TRMT10B: variants seen among roughly 807,000 people sequenced by gnomAD.
TRMT10B encodes tRNA methyltransferase 10 homolog B.
TRMT10B carries 33 observed loss-of-function variants against 43.8 expected under a neutral mutation model. The ratio of observed to expected loss-of-function variants is 0.75; its 90% confidence interval spans 0.57 to 1.01. The LOEUF is 1.01. Ranked by LOEUF, TRMT10B falls within the 50% of genes least tolerant of loss-of-function variation. TRMT10B has a pLI of 0.00. For synonymous variants in TRMT10B, 137 were observed against 130.6 expected (o/e 1.05, Z -0.34); for missense variants, 362 against 369.8 (o/e 0.98, Z 0.17).
intron 5 of TRMT10B, 133 bp from the exon 6 acceptor site, chr9:37,769,808 G>C: frequency 1.3e-6 from 1 of 742,918 alleles, no homozygotes; most frequent in South Asian, 1.5e-5. Flanking sequence ...TCACCATGTT[G>C]CCCAGTCTGG....
chr9:37,777,324 CT>C (rs1435926277), intron 8 of TRMT10B, among the ~76,000 whole-genome samples: 2 of 147,484 alleles, frequency 1.4e-5, no homozygotes, highest in African/African-American at 5.1e-5. Flanking sequence ...CATCTTGGCC[CT>C]TCCCCATCCC....
chr9:37,770,114 C>T (rs1255936530), intron 6 of TRMT10B, 95 bp downstream of exon 6: 4 of 1,033,486 alleles, frequency 3.9e-6, no homozygotes, highest in East Asian at 2.4e-5. Flanking sequence ...AAGAAGGACA[C>T]CCCTCCCCAC....
At chr9:37,756,002 CTCCTA>C (rs373197358) in intron 1 of TRMT10B, among the ~76,000 whole-genome samples, 61 of 152,308 alleles carry the variant, frequency 4.0e-4, no homozygotes, top group African/African-American at 1.4e-3. Flanking sequence ...CTCCTAGGAT[CTCCTA>C]TCCTAGATCT....
intron 8 of TRMT10B, among the ~76,000 whole-genome samples, chr9:37,777,193 T>TAAAAAAAA (rs1564007716): frequency 1.4e-4 from 2 of 14,256 alleles, no homozygotes; most frequent in African/African-American, 8.7e-4. Flanking sequence ...CAACTCCGCC[T>TAAAAAAAA]CAAAAAAAAA....
upstream of TRMT10B, among the ~76,000 whole-genome samples, chr9:37,753,362 A>G (rs1404224834): frequency 6.6e-6 from 1 of 152,190 alleles, no homozygotes; most frequent in Admixed American, 6.5e-5. Context: ...TAAACTCCGC[A>G]AGGGATGGGA....
intron 8 of TRMT10B, among the ~76,000 whole-genome samples, chr9:37,776,665 C>A (rs1335943412): frequency 6.6e-6 from 1 of 151,996 alleles, no homozygotes; most frequent in Non-Finnish European, 1.5e-5. Context: ...TTTCAGAGGC[C>A]GAGGTGGGTG....
chr9:37,759,988 G>A (rs1826151297), intron 1 of TRMT10B, among the ~76,000 whole-genome samples: 1 of 152,156 alleles, frequency 6.6e-6, no homozygotes, highest in African/African-American at 2.4e-5. Context: ...AAAGATCAAG[G>A]TAACTTGATC....
At chr9:37,768,443 T>A (rs1191723786) in intron 5 of TRMT10B, among the ~76,000 whole-genome samples, 1 of 152,236 alleles carries the variant, frequency 6.6e-6, no homozygotes, top group Non-Finnish European at 1.5e-5. Context: ...GTATTTTGTA[T>A]CCCGTATATT....
At chr9:37,766,293 A>G (rs566200546) in intron 4 of TRMT10B, among the ~76,000 whole-genome samples, 3 of 152,304 alleles carry the variant, frequency 2.0e-5, no homozygotes, top group Admixed American at 1.3e-4. Context: ...AGCTTTCTAC[A>G]TATGGCTAGC....
chr9:37,777,722 C>T lies in TRMT10B; in HGVS notation c.*15C>T. 6.2e-7 allele frequency: 1 copy of T among 1,603,742 alleles called. No homozygotes were observed. The highest frequency in any genetic ancestry group is 8.5e-7 in the Non-Finnish European group (1 of 1,170,816). On this transcript the variant is annotated 3_prime_UTR_variant, in exon 9 of 9. Coordinates refer to ENST00000297994, the MANE Select transcript of TRMT10B (RefSeq NM_144964.4). ...CAGTGGAATGATGGGCCTAAGATTG[C>T]AGCTGCGTGGCCAGGTGCTCACGCC...
intron 5 of TRMT10B, among the ~76,000 whole-genome samples, chr9:37,768,726 C>T (rs552506404): frequency 1.3e-5 from 2 of 152,170 alleles, no homozygotes; most frequent in Non-Finnish European, 2.9e-5. Context: ...CATTGTGTAG[C>T]TGAGACTGAG....
At chr9:37,765,927 TGG>T in intron 4 of TRMT10B, among the ~76,000 whole-genome samples, 3 of 65,010 alleles carry the variant, frequency 4.6e-5, no homozygotes, top group African/African-American at 1.7e-4. Flanking sequence ...CACTTTTTGA[TGG>T]GTTTTTTTTT....
intron 1 of TRMT10B, among the ~76,000 whole-genome samples, chr9:37,755,268 C>CT (rs61444533): frequency 0.064 from 7,946 of 124,416 alleles, 291 homozygotes; most frequent in African/African-American, 0.09. Context: ...AAGACTCCGT[C>CT]TTTTTTTTTT....
upstream of TRMT10B, among the ~76,000 whole-genome samples, chr9:37,752,902 G>A (rs556170058): frequency 2.0e-5 from 3 of 152,314 alleles, no homozygotes; most frequent in Non-Finnish European, 2.9e-5. Context: ...GCAAGCAGCG[G>A]CAACCCGTTG....
chr9:37,772,249 G>T (rs563524655), intron 7 of TRMT10B, among the ~76,000 whole-genome samples: 1 of 152,256 alleles, frequency 6.6e-6, no homozygotes, highest in Admixed American at 6.5e-5. Flanking sequence ...CTGGACTCAA[G>T]CAATCTACTC....
chr9:37,764,305 C>T (rs909808251), intron 4 of TRMT10B, among the ~76,000 whole-genome samples: 75 of 150,646 alleles, frequency 5.0e-4, no homozygotes, highest in Non-Finnish European at 8.4e-4. Flanking sequence ...TCTGCCACCA[C>T]GCCTGACAAA....
chr9:37,763,514 A>T, intron 3 of TRMT10B, 115 bp from the exon 4 acceptor site: 1 of 812,888 alleles, frequency 1.2e-6, no homozygotes, highest in Non-Finnish European at 2.0e-6. Context: ...CGAATACCTT[A>T]CATCAGTATC....
At chr9:37,755,607 A>G (rs1008884210) in intron 1 of TRMT10B, among the ~76,000 whole-genome samples, 1 of 152,140 alleles carries the variant, frequency 6.6e-6, no homozygotes, top group Non-Finnish European at 1.5e-5. Context: ...ATACAAAGAT[A>G]CAAAAGAGGT....
upstream of TRMT10B, among the ~76,000 whole-genome samples, chr9:37,753,594 G>T (rs1268022396): frequency 1.3e-5 from 2 of 152,214 alleles, no homozygotes; most frequent in African/African-American, 4.8e-5. Context: ...GGTTGGGGTT[G>T]TAATAGCTGT....
Sources: gnomAD v4.1 joint callset for allele counts (sites outside exome capture counted in the v4.1 genomes callset) on GRCh38, gnomAD v4.1.1 for gene constraint, MANE v1.5 for transcripts, NCBI Gene and HGNC (gene_info 2026-07-23, HGNC 2026-07-21) for gene names.